The following MEGF11 variants were observed in gnomAD, a reference collection of about 807,000 sequenced individuals.
The protein encoded by MEGF11 is multiple epidermal growth factor-like domains protein 11.
A neutral mutation model predicts 146.6 loss-of-function variants in MEGF11; 126 were observed. That is an observed-to-expected ratio of 0.86 (90% CI 0.74 to 1.00). MEGF11 has a LOEUF of 1.00. Among genes scored for constraint, MEGF11 ranks in the 50% least tolerant of loss-of-function variants. MEGF11 has a pLI of 0.00. For synonymous variants in MEGF11, 532 were observed against 583.4 expected (o/e 0.91, Z 1.27); for missense variants, 1,509 against 1,521.2 (o/e 0.99, Z 0.13).
intron 5 of MEGF11, among the ~76,000 whole-genome samples, chr15:65,994,404 A>G (rs1190727286): frequency 1.3e-5 from 2 of 152,196 alleles, no homozygotes; most frequent in Non-Finnish European, 2.9e-5. Context: ...GTGGAAGTGG[A>G]GGCTGTGCAG....
At chr15:66,031,953 C>G (rs1252122158) in intron 5 of MEGF11, among the ~76,000 whole-genome samples, 1 of 152,236 alleles carries the variant, frequency 6.6e-6, no homozygotes. Flanking sequence ...GCGAGCATTA[C>G]TGCCTGAGCT....
intron 1 of MEGF11, among the ~76,000 whole-genome samples, chr15:66,198,487 T>C (rs1445483520): frequency 1.3e-5 from 2 of 152,196 alleles, no homozygotes; most frequent in Non-Finnish European, 2.9e-5. Context: ...CTTTTTTGTT[T>C]TTTGTTTTTC....
intron 1 of MEGF11, among the ~76,000 whole-genome samples, chr15:66,217,550 A>G (rs1482804892): frequency 2.6e-5 from 4 of 152,260 alleles, no homozygotes; most frequent in Non-Finnish European, 5.9e-5. Context: ...AGAGGTGGCC[A>G]ACATGCAAAT....
chr15:66,065,956 G>A (rs1334424765), intron 5 of MEGF11, among the ~76,000 whole-genome samples: 1 of 152,192 alleles, frequency 6.6e-6, no homozygotes, highest in Non-Finnish European at 1.5e-5. Flanking sequence ...TGGGAGGACA[G>A]TTTGTCCTTG....
At chr15:66,042,803 C>A (rs530360110) in intron 5 of MEGF11, among the ~76,000 whole-genome samples, 1 of 152,214 alleles carries the variant, frequency 6.6e-6, no homozygotes, top group African/African-American at 2.4e-5. Flanking sequence ...TGTCTTTACA[C>A]GGCCTAGGAC....
intron 8 of MEGF11, among the ~76,000 whole-genome samples, chr15:65,969,955 C>T (rs1346100457): frequency 6.6e-6 from 1 of 152,142 alleles, no homozygotes; most frequent in East Asian, 1.9e-4. Context: ...CTCCCTTTTC[C>T]TCTGCACCTG....
rs1287750264 is a variant in MEGF11 at position 65,896,668 on chromosome 15, G to C, written c.*1266C>G. The C allele has an allele frequency of 3.9e-5, 6 of 152,308 alleles. No homozygotes were observed. The East Asian group carries it at 1.2e-3, about 29-fold the overall frequency. The allele number at this position is 152,308 out of a possible 1,614,324, so 9.4% of individuals were successfully genotyped here. A position where few individuals can be genotyped will look rare whatever the true frequency, so the allele number is the denominator to read the frequency against. ...GACTTATCTGAGCCTCAGTTTATCT[G>C]TGTTCATAGTGGAAGGTATAGACAC... On this transcript the variant is annotated 3_prime_UTR_variant, in exon 26 of 26. Transcript: ENST00000395614.
chr15:66,043,056 G>A (rs2084050842), intron 5 of MEGF11, among the ~76,000 whole-genome samples: 1 of 152,246 alleles, frequency 6.6e-6, no homozygotes, highest in Admixed American at 6.5e-5. Context: ...ATAGAAGAGA[G>A]TCCTTCAGGC....
chr15:66,176,679 T>A (rs1463950650), intron 1 of MEGF11, among the ~76,000 whole-genome samples: 1 of 152,108 alleles, frequency 6.6e-6, no homozygotes, highest in Non-Finnish European at 1.5e-5. Flanking sequence ...AACTTTGTTT[T>A]TGGAAAGCGC....
intron 4 of MEGF11, among the ~76,000 whole-genome samples, chr15:66,101,439 C>A (rs1272504447): frequency 6.6e-6 from 1 of 152,166 alleles, no homozygotes; most frequent in African/African-American, 2.4e-5. Flanking sequence ...GATGTCACTT[C>A]CTCCAGGAAG....
intron 5 of MEGF11, among the ~76,000 whole-genome samples, chr15:65,991,957 C>A (rs1391280624): frequency 1.3e-5 from 2 of 152,184 alleles, no homozygotes; most frequent in African/African-American, 4.8e-5. Context: ...AACAGACAAG[C>A]AAATGGGAAA....
chr15:66,036,107 G>A (rs974956883), intron 5 of MEGF11, among the ~76,000 whole-genome samples: 1 of 152,228 alleles, frequency 6.6e-6, no homozygotes, highest in Non-Finnish European at 1.5e-5. Flanking sequence ...GCCAGGAGCT[G>A]GCATCCCTGG....
intron 5 of MEGF11, among the ~76,000 whole-genome samples, chr15:66,004,925 A>G (rs994297232): frequency 2.0e-5 from 3 of 152,216 alleles, no homozygotes; most frequent in African/African-American, 7.2e-5. Flanking sequence ...TCTTGTTACT[A>G]TAAGACACAA....
chr15:66,228,071 G>A (rs1172070485), intron 1 of MEGF11, among the ~76,000 whole-genome samples: 1 of 152,112 alleles, frequency 6.6e-6, no homozygotes, highest in Non-Finnish European at 1.5e-5. Context: ...CCTGGGCCTC[G>A]GTGTGCTCTC....
At chr15:66,169,386 G>A (rs113976685) in intron 1 of MEGF11, among the ~76,000 whole-genome samples, 3 of 152,344 alleles carry the variant, frequency 2.0e-5, no homozygotes, top group Middle Eastern at 3.4e-3. Flanking sequence ...AGACTTGGCC[G>A]GGACCAGCAG....
intron 7 of MEGF11, among the ~76,000 whole-genome samples, chr15:65,979,376 A>G (rs192535587): frequency 1.1e-3 from 174 of 152,188 alleles, no homozygotes; most frequent in African/African-American, 3.9e-3. Flanking sequence ...TTCTGTCAAG[A>G]CTGTGCCTGC....
At chr15:65,992,457 G>T (rs1465373047) in intron 5 of MEGF11, among the ~76,000 whole-genome samples, 4 of 147,318 alleles carry the variant, frequency 2.7e-5, no homozygotes, top group African/African-American at 9.9e-5. Flanking sequence ...GTGTGGGGGG[G>T]GGGGTTAGTC....
intron 5 of MEGF11, among the ~76,000 whole-genome samples, chr15:66,003,886 C>A (rs2082439806): frequency 6.6e-6 from 1 of 152,232 alleles, no homozygotes; most frequent in Non-Finnish European, 1.5e-5. Flanking sequence ...TGCTCCTGCA[C>A]CCACAGTCCT....
In MEGF11 at chr15:65,916,210, C is replaced by T. The variant is rs1245801316; in HGVS notation, c.2282G>A (p.Cys761Tyr). The stretch of plus-strand genomic sequence containing the variant: ...GGTGCACTTGCCACTGATGTGGTCA[C>T]AGCTGGCGCCATTCTGACACTGGCA... Reference protein sequence around the residue: ...RVCQCQNGASCDHISGKCTCR... With the variant: ...RVCQCQNGASYDHISGKCTCR... The change falls in exon 18 of 26, where the codon TGT becomes TAT. Residue 761 changes from cysteine (C) to tyrosine (Y), a missense_variant. Transcript: ENST00000395614. 2.5e-6 allele frequency: 4 copies of T among 1,574,348 alleles called. No homozygotes were observed. The highest frequency in any genetic ancestry group is 2.3e-5 in the South Asian group (2 of 85,442).
Sources: allele counts gnomAD v4.1 joint callset (sites outside exome capture counted in the v4.1 genomes callset), GRCh38; gene constraint gnomAD v4.1.1; transcripts MANE v1.5; gene names NCBI Gene and HGNC (gene_info 2026-07-23, HGNC 2026-07-21).